WARS1: variants seen among roughly 807,000 people sequenced by gnomAD.
WARS1 encodes tryptophan--tRNA ligase, cytoplasmic.
WARS1 carries 17 observed loss-of-function variants against 47.8 expected under a neutral mutation model. The ratio of observed to expected loss-of-function variants is 0.36; its 90% confidence interval spans 0.24 to 0.53. WARS1 has a LOEUF of 0.53. Among genes scored for constraint, WARS1 ranks in the 20% least tolerant of loss-of-function variants. WARS1 has a pLI of 0.91. For missense variants in WARS1, 434 were observed against 608.0 expected (o/e 0.71, Z 3.01); for synonymous variants, 208 against 228.1 (o/e 0.91, Z 0.79).
At chr14:100,339,045 G>C (rs1893942295) in intron 9 of WARS1, among the ~76,000 whole-genome samples, 1 of 151,920 alleles carries the variant, frequency 6.6e-6, no homozygotes. Context: ...GGCGGAGGTT[G>C]TGGTGAGCCG....
At chr14:100,351,142 A>T (rs1470683330) in intron 6 of WARS1, among the ~76,000 whole-genome samples, 1 of 152,136 alleles carries the variant, frequency 6.6e-6, no homozygotes, top group Non-Finnish European at 1.5e-5. Context: ...AAAGACCCGC[A>T]AGTGGAAGAT....
At chr14:100,366,180 A>C (rs1276487592) in intron 2 of WARS1, 1 of 447,904 alleles carries the variant, frequency 2.2e-6, no homozygotes, top group Non-Finnish European at 4.5e-6. Flanking sequence ...GCTTCGGGGA[A>C]GGATCCCACA....
intron 2 of WARS1, chr14:100,365,712 C>T (rs886129910): frequency 5.7e-6 from 1 of 175,814 alleles, no homozygotes; most frequent in Non-Finnish European, 1.2e-5. Context: ...TCTACTACAA[C>T]AAAAGCAGAG....
At chr14:100,364,542 C>T (rs948472286) in intron 2 of WARS1, among the ~76,000 whole-genome samples, 1 of 152,236 alleles carries the variant, frequency 6.6e-6, no homozygotes, top group East Asian at 1.9e-4. Flanking sequence ...GCTTCTACTA[C>T]CAAGACATTT....
intron 1 of WARS1, among the ~76,000 whole-genome samples, chr14:100,370,782 G>GAAA (rs34312584): frequency 4.0e-4 from 58 of 145,830 alleles, no homozygotes; most frequent in African/African-American, 1.3e-3. Context: ...ACAAAAAAAT[G>GAAA]AAAAAAAAAA....
intron 2 of WARS1, among the ~76,000 whole-genome samples, chr14:100,364,608 T>G (rs974718628): frequency 6.6e-6 from 1 of 152,274 alleles, no homozygotes; most frequent in African/African-American, 2.4e-5. Flanking sequence ...CTGGTCTCAT[T>G]GTGCAACCTC....
In WARS1 at chr14:100,337,051, T is replaced by G; in HGVS notation, c.1254+11A>C. On this transcript the variant is annotated intron_variant, in intron 10 of 10. Coordinates refer to ENST00000392882, the MANE Select transcript of WARS1 (RefSeq NM_004184.4). ...GAAGGCGGCTGTGGGCCCTTGGGGT[T>G]CCCTGCTCACCTTCCTGATCTGCTC... is the stretch of plus-strand genomic sequence containing the variant. 6.2e-7 allele frequency: 1 copy of G among 1,609,752 alleles called. No individual in the cohort carries two copies. The highest frequency in any genetic ancestry group is 1.1e-5 in the South Asian group (1 of 90,960).
rs749896038 is a variant in WARS1 at position 100,334,949 on chromosome 14, G to C, written c.1342C>G (p.Arg448Gly). The C allele has an allele frequency of 7.4e-6, 12 of 1,614,152 alleles. 1 individual carries two copies. Among genetic ancestry groups the C allele is most frequent in the Non-Finnish European group, 9.3e-6 (11 of 1,180,032 alleles). ...ATCTCATCCGTGACCTCCTTGCGCC[G>C]GGCCTGGTGCTCTGCGATCAAGGGC... is the stretch of plus-strand genomic sequence containing the variant. ...LQPLIAEHQA[R>G]RKEVTDEIVK... The change falls in exon 11 of 11, where the codon CGG (arginine) becomes GGG (glycine). Residue 448 changes from arginine to glycine, a missense_variant. Physicochemically the swap from Arg to Gly is moderately radical, Grantham distance 125. This residue lies in a region of WARS1 where 347 missense variants were observed against 523.8 expected (regional missense o/e 0.66). Transcript: ENST00000392882.
Position 100,354,485 on chromosome 14 carries a change from TG to T in WARS1, c.503del (p.Ala168GlufsTer4). The T allele has an allele frequency of 6.2e-7, 1 of 1,614,190 alleles. No homozygotes were observed. Among genetic ancestry groups the T allele is most frequent in the Non-Finnish European group, 8.5e-7 (1 of 1,180,018 alleles). The part of the protein sequence containing the change: ...LYTGRGPSSE[A>X]MHVGHLIPFI... ...ATGGAATGAGGTGACCTACATGCATTGCTTCAGAAGAGGGGCCCCGGCCCGT... is the reference window on the plus strand; with the variant it reads ...ATGGAATGAGGTGACCTACATGCATTCTTCAGAAGAGGGGCCCCGGCCCGT... On this transcript the variant is annotated frameshift_variant, in exon 5 of 11. Coordinates refer to ENST00000392882, the MANE Select transcript of WARS1 (RefSeq NM_004184.4). LOFTEE classifies it high-confidence loss of function.
rs547428262 is a variant in WARS1 at position 100,348,808 on chromosome 14, C to T, written c.726-1962G>A. Among the ~76,000 whole-genome samples the T allele has an allele frequency of 7.9e-5, 12 of 152,292 alleles. No homozygotes were observed. The South Asian group carries it at 1.7e-3, about 21-fold the overall frequency. Reference sequence around the variant, plus strand: ...CCAAACTGTGGCAGGACTGTAGCTTCACGGCGTCTGACTGGTATTTCTGAG... The same window carrying T: ...CCAAACTGTGGCAGGACTGTAGCTTTACGGCGTCTGACTGGTATTTCTGAG... On this transcript the variant is annotated intron_variant, in intron 6 of 10. Transcript: ENST00000392882.
At chr14:100,348,096 G>T (rs1285873483) in intron 6 of WARS1, among the ~76,000 whole-genome samples, 1 of 152,174 alleles carries the variant, frequency 6.6e-6, no homozygotes, top group Non-Finnish European at 1.5e-5. Context: ...GTTAGACTAG[G>T]CTCAAAGAAG....
intron 6 of WARS1, among the ~76,000 whole-genome samples, chr14:100,349,956 A>C (rs1010320199): frequency 2.6e-5 from 4 of 152,268 alleles, no homozygotes; most frequent in African/African-American, 9.6e-5. Context: ...AGAAACTCTT[A>C]AAGTAAAATG....
intron 2 of WARS1, among the ~76,000 whole-genome samples, chr14:100,367,608 CAAAAAAAAAAAA>C (rs35916618): frequency 3.4e-5 from 1 of 29,772 alleles, no homozygotes; most frequent in Non-Finnish European, 5.7e-5. Flanking sequence ...GGTGGGGTGG[CAAAAAAAAAAAA>C]AAAAAAAAAA....
At chr14:100,349,827 C>A (rs1042197730) in intron 6 of WARS1, among the ~76,000 whole-genome samples, 1 of 152,206 alleles carries the variant, frequency 6.6e-6, no homozygotes, top group African/African-American at 2.4e-5. Context: ...TCAAAGAGGG[C>A]GATGGCTGGC....
chr14:100,345,794 T>G (rs1371366753), intron 7 of WARS1, among the ~76,000 whole-genome samples: 2 of 152,264 alleles, frequency 1.3e-5, no homozygotes, highest in African/African-American at 4.8e-5. Flanking sequence ...GAAGCAGAAC[T>G]TTTGACCTCT....
intron 4 of WARS1, 30 bp downstream of exon 4, chr14:100,360,524 T>G: frequency 6.5e-6 from 10 of 1,542,942 alleles, no homozygotes; most frequent in Non-Finnish European, 8.9e-6. Flanking sequence ...AGAGGACAGG[T>G]GAGAAGGCCT....
chr14:100,344,797 C>T (rs1193326751), intron 7 of WARS1, among the ~76,000 whole-genome samples: 5 of 151,084 alleles, frequency 3.3e-5, no homozygotes, highest in African/African-American at 7.3e-5. Context: ...AGGTGAGGAG[C>T]GTCTCTGCCC....
intron 4 of WARS1, among the ~76,000 whole-genome samples, chr14:100,356,405 G>GT (rs1444166808): frequency 6.7e-6 from 1 of 149,246 alleles, no homozygotes; most frequent in Non-Finnish European, 1.5e-5. Context: ...GTGTGGGGGG[G>GT]GGTGTGGAAT....
chr14:100,337,128 C>G lies in WARS1; in HGVS notation c.1188G>C (p.Val396=). ...EHRQFGGNCD[V]DVSFMYLTFF... is the part of the protein sequence containing the mutation. ...AGGTCAGGTACATGAAAGACACGTC[C>G]ACATCACAGTTGCCCCCAAACTGCC... Residue 396 remains valine (V), a synonymous_variant, in exon 10 of 11, where the codon GTG becomes GTC. Transcript: ENST00000392882. 1 of 1,614,218 alleles carries G rather than the reference C, an allele frequency of 6.2e-7. No individual in the cohort carries two copies. The highest frequency in any genetic ancestry group is 2.2e-5 in the East Asian group (1 of 44,882).
Sources: gnomAD v4.1 joint callset for allele counts (sites outside exome capture counted in the v4.1 genomes callset) on GRCh38, gnomAD v4.1.1 for gene constraint, gnomAD v4.1.1 regional missense constraint, MANE v1.5 for transcripts, NCBI Gene and HGNC (gene_info 2026-07-23, HGNC 2026-07-21) for gene names.